The following FNDC3A variants were observed in gnomAD, a reference collection of about 807,000 sequenced individuals.
FNDC3A encodes fibronectin type III domain containing 3A, also known as fibronectin type-III domain-containing protein 3A.
A neutral mutation model predicts 148.9 loss-of-function variants in FNDC3A; 32 were observed. That is an observed-to-expected ratio of 0.21 (90% CI 0.16 to 0.29). FNDC3A has a LOEUF of 0.29. Ranked by LOEUF, FNDC3A falls within the 10% of genes least tolerant of loss-of-function variation. The probability of loss-of-function intolerance (pLI) is 1.00; values close to 1 mark genes in which losing one functional copy is unlikely to be tolerated. For synonymous variants in FNDC3A, 472 were observed against 473.6 expected, an observed-to-expected ratio of 1.00 and a Z score of 0.04; for missense variants, 1,191 against 1,452.8, an observed-to-expected ratio of 0.82 and a Z score of 2.93.
chr13:49,156,338 G>T (rs1183852661), intron 8 of FNDC3A, among the ~76,000 whole-genome samples: 3 of 149,870 alleles, frequency 2.0e-5, no homozygotes, highest in African/African-American at 7.4e-5. Flanking sequence ...GACTAGGATT[G>T]CAACCTCTGC....
intron 8 of FNDC3A, chr13:49,146,144 G>C: frequency 2.1e-6 from 1 of 480,070 alleles, no homozygotes; most frequent in Non-Finnish European, 3.6e-6. Flanking sequence ...CACTTTTATT[G>C]GCCACATTCA....
At chr13:49,186,990 G>C in intron 15 of FNDC3A, 132 bp from the exon 16 acceptor site, 1 of 541,692 alleles carries the variant, frequency 1.8e-6, no homozygotes, top group Non-Finnish European at 3.3e-6. Flanking sequence ...GGAGTAATTG[G>C]GTACTGGTAT....
rs192146601 is a variant in FNDC3A, at chr13:49,051,565, T to G, written c.100-23724T>G. The stretch of plus-strand genomic sequence containing the variant: ...GCTGTTAATCTGATAAGTTTTCCTT[T>G]TACAGGTTACCTGATGCTTTTGCCT... On this transcript the variant is annotated intron_variant, in intron 2 of 25. Coordinates refer to ENST00000492622, the MANE Select transcript of FNDC3A (RefSeq NM_001079673.2). Among the ~76,000 whole-genome samples the G allele has an allele frequency of 1.6e-3, 245 of 152,368 alleles. 1 individual carries two copies. The highest frequency in any genetic ancestry group is 5.7e-3 in the African/African-American group (235 of 41,578).
In FNDC3A at chr13:49,198,311, G is replaced by A. The variant is rs112557089; in HGVS notation, c.2774+46G>A. On this transcript the variant is annotated intron_variant, in intron 22 of 25. Coordinates refer to ENST00000492622, the MANE Select transcript of FNDC3A (RefSeq NM_001079673.2). ...TGATTTTTGCCTAGACCAGAGAGAC[G>A]CTTTAAATAAAACAATCATAACCAA... 291 of 1,610,994 alleles carry A rather than the reference G, an allele frequency of 1.8e-4. No individual in the cohort carries two copies. The Middle Eastern group carries it at 1.8e-3, about 10-fold the overall frequency.
intron 2 of FNDC3A, among the ~76,000 whole-genome samples, chr13:49,027,885 A>G (rs1361133450): frequency 6.6e-6 from 1 of 152,160 alleles, no homozygotes; most frequent in East Asian, 1.9e-4. Flanking sequence ...ATCTAAATGG[A>G]TCAAACATAA....
intron 3 of FNDC3A, among the ~76,000 whole-genome samples, chr13:49,109,505 A>G (rs1880410364): frequency 6.6e-6 from 1 of 152,136 alleles, no homozygotes; most frequent in Non-Finnish European, 1.5e-5. Context: ...GCTGTTAATA[A>G]ATTTCCTCTG....
intron 1 of FNDC3A, among the ~76,000 whole-genome samples, chr13:48,977,748 T>C (rs1274686473): frequency 6.6e-6 from 1 of 152,214 alleles, no homozygotes; most frequent in Non-Finnish European, 1.5e-5. Flanking sequence ...GAAGAAGGGA[T>C]GATGACAGGA....
chr13:49,052,981 AG>A (rs1297090689), intron 2 of FNDC3A, among the ~76,000 whole-genome samples: 1 of 152,120 alleles, frequency 6.6e-6, no homozygotes, highest in Non-Finnish European at 1.5e-5. Context: ...TGAGTCATAC[AG>A]GTCACCAGGG....
chr13:49,076,826 T>C lies in FNDC3A; in HGVS notation c.175+1462T>C, dbSNP rs77401532. On this transcript the variant is annotated intron_variant, in intron 3 of 25. Transcript: ENST00000492622. Reference sequence around the variant, plus strand: ...TCTTCTAGTTGTATTTTTAAAGTTATTTAAATTTTGTATTGTTTAACATAA... The same window carrying C: ...TCTTCTAGTTGTATTTTTAAAGTTACTTAAATTTTGTATTGTTTAACATAA... 8.3e-3 allele frequency among the ~76,000 whole-genome samples: 1,257 copies of C among 152,338 alleles called. 20 individuals carry two copies. Among genetic ancestry groups the C allele is most frequent in the African/African-American group, 0.029 (1,188 of 41,578 alleles).
chr13:49,134,586 A>C (rs1346307392), intron 5 of FNDC3A, among the ~76,000 whole-genome samples: 1 of 151,832 alleles, frequency 6.6e-6, no homozygotes, highest in Non-Finnish European at 1.5e-5. Context: ...TTAATTCTAT[A>C]TTACTTTTCC....
intron 8 of FNDC3A, among the ~76,000 whole-genome samples, chr13:49,155,459 T>C (rs1202102386): frequency 2.0e-5 from 3 of 148,838 alleles, no homozygotes; most frequent in Non-Finnish European, 4.5e-5. Context: ...GTTGATCCTT[T>C]CAAAAAACCA....
chr13:49,166,916 G>A (rs1884495245), intron 8 of FNDC3A, among the ~76,000 whole-genome samples: 1 of 152,116 alleles, frequency 6.6e-6, no homozygotes, highest in Non-Finnish European at 1.5e-5. Context: ...TATTAACTGT[G>A]CAAAATGGAT....
At chr13:49,045,022 CTCCTTTCCCTT>C (rs1051686726) in intron 2 of FNDC3A, 3 of 297,120 alleles carry the variant, frequency 1.0e-5, no homozygotes, top group Non-Finnish European at 1.9e-5. Flanking sequence ...CATAAGATTT[CTCCTTTCCCTT>C]TCCTTTCCCT....
intron 15 of FNDC3A, among the ~76,000 whole-genome samples, chr13:49,186,483 T>C (rs756122460): frequency 2.6e-5 from 4 of 152,216 alleles, no homozygotes; most frequent in Non-Finnish European, 4.4e-5. Flanking sequence ...AAAGATCCCA[T>C]AAACTTGACC....
At chr13:48,998,331 A>G (rs1031001697) in intron 1 of FNDC3A, among the ~76,000 whole-genome samples, 2 of 152,174 alleles carry the variant, frequency 1.3e-5, no homozygotes, top group African/African-American at 4.8e-5. Context: ...AAAGCTCAAA[A>G]ATCTGAAACT....
intron 8 of FNDC3A, among the ~76,000 whole-genome samples, chr13:49,163,415 C>T (rs1884278087): frequency 6.6e-6 from 1 of 152,230 alleles, no homozygotes; most frequent in Non-Finnish European, 1.5e-5. Flanking sequence ...AAGCAAGGCT[C>T]TGTGGGCGTG....
intron 11 of FNDC3A, among the ~76,000 whole-genome samples, chr13:49,172,380 G>A (rs1223538955): frequency 6.6e-6 from 1 of 151,882 alleles, no homozygotes; most frequent in African/African-American, 2.4e-5. Context: ...CCTTTCCTAT[G>A]GCTGCTATAA....
chr13:49,135,136 T>TG (rs1185896112), intron 5 of FNDC3A, among the ~76,000 whole-genome samples: 1 of 152,090 alleles, frequency 6.6e-6, no homozygotes, highest in Non-Finnish European at 1.5e-5. Context: ...ATTACAGGCG[T>TG]GAGCCACTGC....
At chr13:48,979,191 G>A (rs1212619836) in intron 1 of FNDC3A, among the ~76,000 whole-genome samples, 2 of 152,086 alleles carry the variant, frequency 1.3e-5, no homozygotes, top group Admixed American at 6.5e-5. Context: ...GTGCTTGCAG[G>A]GTGATGCAAT....
Sources: allele counts gnomAD v4.1 joint callset (sites outside exome capture counted in the v4.1 genomes callset), GRCh38; gene constraint gnomAD v4.1.1; transcripts MANE v1.5; gene names NCBI Gene and HGNC (gene_info 2026-07-23, HGNC 2026-07-21).